Variants in GABRG2 observed in about 807,000 individuals in gnomAD.
GABRG2 encodes the protein gamma-aminobutyric acid type A receptor subunit gamma2.
Under a neutral mutation model 56.4 loss-of-function variants are expected in GABRG2, and 16 were observed. The ratio of observed to expected loss-of-function variants is 0.28; its 90% CI spans 0.19 to 0.43. The LOEUF (loss-of-function observed/expected upper bound fraction) is 0.43, where lower values mean the gene tolerates loss of function less well. GABRG2 is among the 20% of genes least tolerant of loss of function. The pLI, the probability that GABRG2 is intolerant of heterozygous loss-of-function variation, is 1.00. For missense variants in GABRG2, 327 were observed against 582.7 expected (o/e 0.56, Z 4.52); for synonymous variants, 208 against 205.5 (o/e 1.01, Z -0.10).
chr5:162,097,505 T>G, intron 3 of GABRG2, 133 bp from the exon 4 acceptor site: 1 of 710,866 alleles, frequency 1.4e-6, no homozygotes, highest in East Asian at 2.7e-5. Flanking sequence ...AAACTCTAGC[T>G]TTCTTTTGAA....
chr5:162,120,398 C>T (rs1381869098), intron 6 of GABRG2, among the ~76,000 whole-genome samples: 1 of 152,030 alleles, frequency 6.6e-6, no homozygotes, highest in Non-Finnish European at 1.5e-5. Context: ...ATATTAAGCT[C>T]TTTTTGAGAT....
intron 1 of GABRG2, among the ~76,000 whole-genome samples, chr5:162,087,298 T>C (rs78971956): frequency 0.02 from 3,089 of 152,114 alleles, 123 homozygotes; most frequent in African/African-American, 0.07. Context: ...CTCATGCGCT[T>C]TTGGGGAAGC....
intron 1 of GABRG2, among the ~76,000 whole-genome samples, 183 bp from the exon 2 acceptor site, chr5:162,093,645 C>T (rs946034876): frequency 1.3e-5 from 2 of 152,138 alleles, no homozygotes; most frequent in Middle Eastern, 3.2e-3. Flanking sequence ...AAACCTGAAG[C>T]GTACACTTGA....
At chr5:162,070,918 T>C (rs879309659) in intron 1 of GABRG2, among the ~76,000 whole-genome samples, 13 of 151,980 alleles carry the variant, frequency 8.6e-5, no homozygotes, top group Non-Finnish European at 1.9e-4. Flanking sequence ...ACTTTTCTGA[T>C]TTCCAAAAGT....
Position 162,132,352 on chromosome 5 carries a change from A to G in GABRG2, c.770-9812A>G, listed in dbSNP as rs527893505. On this transcript the variant is annotated intron_variant, in intron 6 of 9. Transcript: ENST00000639213. ...ATAAGGCATCTGTTTTTCAGGACAGACCTGTGGACCAGGCATTTTTCTGTT... is the reference window on the plus strand; with the variant it reads ...ATAAGGCATCTGTTTTTCAGGACAGGCCTGTGGACCAGGCATTTTTCTGTT... Among the ~76,000 whole-genome samples, 7 of 152,124 alleles carry G rather than the reference A, an allele frequency of 4.6e-5. No individual in the cohort carries two copies. The East Asian group carries it at 1.4e-3, about 29-fold the overall frequency.
intron 1 of GABRG2, among the ~76,000 whole-genome samples, chr5:162,076,289 A>G (rs903147608): frequency 2.0e-5 from 3 of 152,162 alleles, no homozygotes; most frequent in Non-Finnish European, 4.4e-5. Context: ...TTAATACAGG[A>G]CATTATTTAT....
At chr5:162,148,597 T>C (rs1361466055) in intron 7 of GABRG2, among the ~76,000 whole-genome samples, 1 of 152,176 alleles carries the variant, frequency 6.6e-6, no homozygotes, top group Admixed American at 6.5e-5. Context: ...TTTAATCCCC[T>C]TGTCCCTTCC....
chr5:162,122,293 AATAACT>A (rs1406054291), intron 6 of GABRG2, among the ~76,000 whole-genome samples: 2 of 151,976 alleles, frequency 1.3e-5, no homozygotes, highest in East Asian at 3.9e-4. Context: ...CCTATATCCT[AATAACT>A]ATGAGTTAGG....
chr5:162,087,632 T>C (rs925122820), intron 1 of GABRG2, among the ~76,000 whole-genome samples: 2 of 152,014 alleles, frequency 1.3e-5, no homozygotes, highest in African/African-American at 2.4e-5. Context: ...AAGAGAGAGA[T>C]AGAAAAAATT....
intron 6 of GABRG2, among the ~76,000 whole-genome samples, chr5:162,124,855 G>A (rs890750492): frequency 6.6e-6 from 1 of 151,632 alleles, no homozygotes; most frequent in East Asian, 1.9e-4. Flanking sequence ...GCAAAATGAT[G>A]CAAGGAATCT....
chr5:162,127,396 C>T lies in GABRG2; in HGVS notation c.770-14768C>T, dbSNP rs924241977. Among the ~76,000 whole-genome samples, 37 of 151,784 alleles carry T rather than the reference C, an allele frequency of 2.4e-4. 1 individual carries two copies. The highest frequency in any genetic ancestry group is 4.4e-4 in the Non-Finnish European group (30 of 67,894). ...TAGTTTGTTTTCTTCATCTAATCACCTATATGGTATGCTCTAGTATATGAC... is the reference window on the plus strand; with the variant it reads ...TAGTTTGTTTTCTTCATCTAATCACTTATATGGTATGCTCTAGTATATGAC... On this transcript the variant is annotated intron_variant, in intron 6 of 9. Transcript: ENST00000639213.
chr5:162,115,905 G>A (rs190123153), intron 6 of GABRG2, among the ~76,000 whole-genome samples: 1 of 152,016 alleles, frequency 6.6e-6, no homozygotes, highest in East Asian at 1.9e-4. Flanking sequence ...CTATACATCA[G>A]CTCATTCATT....
chr5:162,090,146 G>T (rs1292929885), intron 1 of GABRG2, among the ~76,000 whole-genome samples: 1 of 151,982 alleles, frequency 6.6e-6, no homozygotes, highest in Non-Finnish European at 1.5e-5. Flanking sequence ...AAACTGTAAT[G>T]ATGAGAATAA....
intron 6 of GABRG2, among the ~76,000 whole-genome samples, chr5:162,109,418 ATATATT>A (rs1326522182): frequency 1.1e-4 from 14 of 130,796 alleles, no homozygotes; most frequent in Non-Finnish European, 1.9e-4. Flanking sequence ...ATATATATAT[ATATATT>A]TATTTATATA....
chr5:162,134,528 T>C (rs1169229964), intron 6 of GABRG2, among the ~76,000 whole-genome samples: 1 of 152,184 alleles, frequency 6.6e-6, no homozygotes, highest in Non-Finnish European at 1.5e-5. Flanking sequence ...ATTCTTACTT[T>C]ACAGATAAAG....
chr5:162,101,031 A>C (rs1761375848), intron 4 of GABRG2, among the ~76,000 whole-genome samples: 1 of 152,148 alleles, frequency 6.6e-6, no homozygotes, highest in South Asian at 2.1e-4. Flanking sequence ...AGGTGCTATT[A>C]TTTGGTCTGT....
At chr5:162,126,666 C>G (rs1271893835) in intron 6 of GABRG2, among the ~76,000 whole-genome samples, 1 of 151,968 alleles carries the variant, frequency 6.6e-6, no homozygotes, top group Non-Finnish European at 1.5e-5. Flanking sequence ...CTTTCTCCAC[C>G]TTCCCCTTCA....
intron 7 of GABRG2, among the ~76,000 whole-genome samples, chr5:162,144,045 T>C (rs1764775191): frequency 6.6e-6 from 1 of 152,230 alleles, no homozygotes; most frequent in Admixed American, 6.5e-5. Flanking sequence ...AAATATCTTG[T>C]CTAATGCTAC....
Position 162,153,321 on chromosome 5 carries a change from T to C in GABRG2, c.1381T>C (p.Phe461Leu). ...TGCTCGGATCTTCTTCCCCACTGCC[T>C]TCTGCCTGTTTAATCTGGTCTATTG... is the stretch of plus-strand genomic sequence containing the variant. The part of the protein sequence containing the change: ...SYARIFFPTA[F>L]CLFNLVYWVS... Residue 461 changes from phenylalanine to leucine, a missense_variant, in exon 10 of 10, where the codon TTC (phenylalanine) becomes CTC (leucine). Physicochemically the swap from Phe to Leu is conservative, Grantham distance 22. This residue lies in a region of GABRG2 where 108 missense variants were observed against 144.2 expected (regional missense o/e 0.75). Coordinates refer to ENST00000639213, the MANE Select transcript of GABRG2 (RefSeq NM_198904.4). The C allele has an allele frequency of 6.2e-7, 1 of 1,614,058 alleles. No homozygotes were observed. Among genetic ancestry groups the C allele is most frequent in the Non-Finnish European group, 8.5e-7 (1 of 1,179,956 alleles).
Sources: allele counts gnomAD v4.1 joint callset (sites outside exome capture counted in the v4.1 genomes callset), GRCh38; gene constraint gnomAD v4.1.1; regional missense constraint gnomAD v4.1.1; transcripts MANE v1.5; gene names NCBI Gene and HGNC (gene_info 2026-07-23, HGNC 2026-07-21).